The following NFILZ variants were observed in gnomAD, a reference collection of about 807,000 sequenced individuals.
The protein encoded by NFILZ is NFIL3 like basic leucine zipper, also known as NFIL3 like protein.
At chr19:8,659,247 CA>C (rs782154680) in intron 3 of NFILZ, among the ~76,000 whole-genome samples, 11,275 of 141,556 alleles carry the variant, frequency 0.08, 545 homozygotes, top group African/African-American at 0.14. Context: ...GACTCCATCT[CA>C]AAAAAAAAAA....
intron 3 of NFILZ, among the ~76,000 whole-genome samples, 21 bp from the exon 4 acceptor site, chr19:8,674,529 AC>A (rs1365707051): frequency 7.8e-6 from 1 of 127,492 alleles, no homozygotes; most frequent in Non-Finnish European, 1.6e-5. Flanking sequence ...ACAAAACTAA[AC>A]TTTTTTTTTT....
chr19:8,663,742 G>GTGTGTGTATGTGTGTGTA (rs1555749448), intron 3 of NFILZ, among the ~76,000 whole-genome samples: 61 of 83,958 alleles, frequency 7.3e-4, no homozygotes, highest in Non-Finnish European at 9.8e-4. Flanking sequence ...GTGTGTGTGT[G>GTGTGTGTATGTGTGTGTA]TGTGTGTGTG....
intron 3 of NFILZ, among the ~76,000 whole-genome samples, chr19:8,672,091 A>G (rs1180932127): frequency 6.6e-6 from 1 of 152,226 alleles, no homozygotes; most frequent in Non-Finnish European, 1.5e-5. Context: ...TAATTTATTC[A>G]AATATCCATG....
intron 3 of NFILZ, among the ~76,000 whole-genome samples, chr19:8,661,335 T>C (rs1446221068): frequency 6.6e-6 from 1 of 151,622 alleles, no homozygotes; most frequent in African/African-American, 2.4e-5. Flanking sequence ...GCTAGTTTTT[T>C]GTATTTTTTG....
At chr19:8,673,781 C>T (rs2043098826) in intron 3 of NFILZ, among the ~76,000 whole-genome samples, 1 of 152,106 alleles carries the variant, frequency 6.6e-6, no homozygotes, top group Non-Finnish European at 1.5e-5. Context: ...TGCTGGAGAC[C>T]TTCCAGTAGC....
intron 3 of NFILZ, among the ~76,000 whole-genome samples, chr19:8,669,977 G>C (rs1417847949): frequency 1.3e-5 from 2 of 152,184 alleles, no homozygotes; most frequent in South Asian, 2.1e-4. Context: ...TCCAGAGGAA[G>C]GGGAGATTCT....
rs1405520131 is a variant in NFILZ, at chr19:8,680,455, C to T, written c.*2820C>T. Among the ~76,000 whole-genome samples the T allele has an allele frequency of 6.6e-6, 1 of 152,014 alleles. No individual in the cohort carries two copies. The highest frequency in any genetic ancestry group is 2.4e-5 in the African/African-American group (1 of 41,380). ...TATGCAGCCGAGTTGGCAGTCTTTT[C>T]TTTTGTGGTTTGTACATTTTTGTCA... On this transcript the variant is annotated 3_prime_UTR_variant, in exon 6 of 6. Transcript: ENST00000691075.
In NFILZ at chr19:8,679,269, C is replaced by CATTATTCTT. The variant is rs1443315899; in HGVS notation, c.*1640_*1641insCTTATTATT. ...TCAGTTTCTCACTCAGCCCCTCTCC[C>CATTATTCTT]ATTATTATTATTATTATTATTATTA... On this transcript the variant is annotated 3_prime_UTR_variant, in exon 6 of 6. Transcript: ENST00000691075. 5.5e-5 allele frequency among the ~76,000 whole-genome samples: 8 copies of CATTATTCTT among 145,820 alleles called. No individual in the cohort carries two copies. Among genetic ancestry groups the CATTATTCTT allele is most frequent in the African/African-American group, 2.0e-4 (8 of 39,082 alleles).
intron 3 of NFILZ, among the ~76,000 whole-genome samples, chr19:8,662,859 A>G (rs1487027366): frequency 1.3e-5 from 2 of 149,376 alleles, no homozygotes; most frequent in African/African-American, 2.5e-5. Context: ...TTGGTCTTCA[A>G]CTCCTGACCT....
At chr19:8,633,935 CTTCCTTCCTTCCCTCCCTTCT>C (rs1482726639) in intron 2 of NFILZ, among the ~76,000 whole-genome samples, 54 of 145,132 alleles carry the variant, frequency 3.7e-4, no homozygotes, top group African/African-American at 1.3e-3. Flanking sequence ...TCCTTCCTTC[CTTCCTTCCTTCCCTCCCTTCT>C]TTCCTTCTCT....
chr19:8,671,296 C>A (rs953053734), intron 3 of NFILZ, among the ~76,000 whole-genome samples: 3 of 152,100 alleles, frequency 2.0e-5, no homozygotes, highest in African/African-American at 7.2e-5. Flanking sequence ...ACTTCCTCTG[C>A]GACCACAGGA....
Position 8,678,107 on chromosome 19 carries a change from A to G in NFILZ, c.*472A>G, listed in dbSNP as rs1291996080. On this transcript the variant is annotated 3_prime_UTR_variant, in exon 6 of 6. Transcript: ENST00000691075. ...ATCCATCCATTCCATCCATCCATCC[A>G]TCCATCCATCCATCCATCCCTCCAT... 1.0e-5 allele frequency among the ~76,000 whole-genome samples: 1 copy of G among 97,842 alleles called. No individual in the cohort carries two copies. The highest frequency in any genetic ancestry group is 2.1e-5 in the Non-Finnish European group (1 of 48,140). 64.2% of individuals were successfully genotyped at this position (97,842 alleles called of 152,430 possible).
intron 3 of NFILZ, among the ~76,000 whole-genome samples, chr19:8,641,649 T>A (rs1160148855): frequency 6.6e-6 from 1 of 152,138 alleles, no homozygotes; most frequent in Non-Finnish European, 1.5e-5. Flanking sequence ...ATGACAGCCC[T>A]TGGTGTCAGA....
rs1237519132 is a variant in NFILZ at position 8,678,258 on chromosome 19, C to T, written c.*623C>T. The stretch of plus-strand genomic sequence containing the variant: ...TCAGCCATCCATCTGTCCATTTATC[C>T]ATCCTCCATTTATCCATGCATCTAT... On this transcript the variant is annotated 3_prime_UTR_variant, in exon 6 of 6. Transcript: ENST00000691075. Among the ~76,000 whole-genome samples the T allele has an allele frequency of 2.7e-5, 4 of 150,088 alleles. No homozygotes were observed. In the East Asian group the frequency reaches 8.0e-4, roughly 30 times the overall value.
Position 8,680,700 on chromosome 19 carries a change from T to A in NFILZ, c.*3065T>A, listed in dbSNP as rs2043142622. On this transcript the variant is annotated 3_prime_UTR_variant, in exon 6 of 6. Coordinates refer to ENST00000691075, the MANE Select transcript of NFILZ (RefSeq NM_001378600.1). ...AAAAGGGAGGCTTGGGAAAGGTAGGTGTGGGTGCGTTGTAATAATTGAAAT... is the reference window on the plus strand; with the variant it reads ...AAAAGGGAGGCTTGGGAAAGGTAGGAGTGGGTGCGTTGTAATAATTGAAAT... Among the ~76,000 whole-genome samples the A allele has an allele frequency of 6.6e-6, 1 of 151,916 alleles. No individual in the cohort carries two copies. Among genetic ancestry groups the A allele is most frequent in the African/African-American group, 2.4e-5 (1 of 41,324 alleles).
chr19:8,670,612 G>T (rs1005112207), intron 3 of NFILZ, among the ~76,000 whole-genome samples: 3 of 152,216 alleles, frequency 2.0e-5, no homozygotes, highest in Non-Finnish European at 2.9e-5. Flanking sequence ...GGATGCCGGA[G>T]ACCTTCCAGT....
At chr19:8,660,828 C>T (rs1176550897) in intron 3 of NFILZ, among the ~76,000 whole-genome samples, 8 of 151,264 alleles carry the variant, frequency 5.3e-5, no homozygotes, top group African/African-American at 9.7e-5. Flanking sequence ...TTAGTAGAGA[C>T]AGGGTTTCAT....
rs201180999 is a variant in NFILZ at position 8,635,324 on chromosome 19, TAAA to T, written c.-260-313_-260-311del. Among the ~76,000 whole-genome samples the T allele has an allele frequency of 5.9e-3, 802 of 136,728 alleles. 14 individuals carry two copies. The highest frequency in any genetic ancestry group is 0.021 in the African/African-American group (761 of 36,918). The allele number at this position is 136,728 out of a possible 152,430, so 89.7% of individuals were successfully genotyped here. On this transcript the variant is annotated intron_variant, in intron 2 of 5. Transcript: ENST00000691075. ...GACTCCATCTCAAAAAAAAAAAAAT[TAAA>T]AAAAAAAAAAAAGAAATACAGAATA... is the stretch of plus-strand genomic sequence containing the variant.
At chr19:8,636,948 G>A (rs1225433600) in intron 3 of NFILZ, among the ~76,000 whole-genome samples, 1 of 152,126 alleles carries the variant, frequency 6.6e-6, no homozygotes, top group African/African-American at 2.4e-5. Context: ...TACTGGAGGG[G>A]GACAGTCAGG....
Sources: gnomAD v4.1 joint callset for allele counts (sites outside exome capture counted in the v4.1 genomes callset) on GRCh38, gnomAD v4.1.1 for gene constraint, MANE v1.5 for transcripts, NCBI Gene and HGNC (gene_info 2026-07-23, HGNC 2026-07-21) for gene names.